The following FGD4 variants were observed in gnomAD, a reference collection of about 807,000 sequenced individuals.
FGD4 encodes the protein FYVE, RhoGEF and PH domain containing 4.
FGD4 carries 42 observed loss-of-function variants against 102.0 expected under a neutral mutation model. The ratio of observed to expected loss-of-function variants is 0.41; its 90% CI spans 0.32 to 0.53. FGD4 has a LOEUF of 0.53. Among genes scored for constraint, FGD4 ranks in the 20% least tolerant of loss-of-function variants. FGD4 has a pLI of 0.21. For synonymous variants in FGD4, 380 were observed against 375.7 expected (o/e 1.01, Z -0.13); for missense variants, 902 against 1,078.2 (o/e 0.84, Z 2.29).
chr12:32,412,473 T>C (rs931342832), intron 1 of FGD4, among the ~76,000 whole-genome samples: 4 of 152,146 alleles, frequency 2.6e-5, no homozygotes, highest in Non-Finnish European at 5.9e-5. Flanking sequence ...GCTCCTTCAA[T>C]TGGAAGTTAT....
intron 1 of FGD4, among the ~76,000 whole-genome samples, chr12:32,547,029 G>A (rs1409473644): frequency 6.6e-6 from 1 of 152,206 alleles, no homozygotes; most frequent in Non-Finnish European, 1.5e-5. Flanking sequence ...TAAAGGCACA[G>A]AATTAGGGCA....
At chr12:32,424,786 C>T (rs1941774134) in intron 1 of FGD4, among the ~76,000 whole-genome samples, 1 of 152,212 alleles carries the variant, frequency 6.6e-6, no homozygotes, top group African/African-American at 2.4e-5. Flanking sequence ...GATGGTATCT[C>T]ACTGTGGTTT....
At chr12:32,403,185 T>C (rs1940763866) in intron 1 of FGD4, among the ~76,000 whole-genome samples, 1 of 152,182 alleles carries the variant, frequency 6.6e-6, no homozygotes, top group African/African-American at 2.4e-5. Context: ...AGCATTGTTA[T>C]GTCATGTTCT....
chr12:32,598,410 A>T, intron 4 of FGD4, 87 bp from the exon 5 acceptor site: 1 of 935,736 alleles, frequency 1.1e-6, no homozygotes, highest in African/African-American at 1.7e-5. Context: ...AACTGTTTTG[A>T]TCAAATCATT....
chr12:32,522,099 T>C (rs909314111), intron 1 of FGD4, among the ~76,000 whole-genome samples: 7 of 152,222 alleles, frequency 4.6e-5, no homozygotes, highest in African/African-American at 1.7e-4. Flanking sequence ...TTTGACCTTA[T>C]TTCCTACCAC....
In FGD4 at chr12:32,576,218, A is replaced by G. The variant is rs537787603; in HGVS notation, c.320-48A>G. On this transcript the variant is annotated intron_variant, in intron 2 of 16. Coordinates refer to ENST00000534526, the MANE Select transcript of FGD4 (RefSeq NM_001370298.3). ...CCAGGACACCAGAATTTTTATTGTT[A>G]TTGAACAAAATATCAGTGAAATACT... The G allele has an allele frequency of 3.3e-6, 5 of 1,536,620 alleles. No homozygotes were observed. In the East Asian group the frequency reaches 1.2e-4, roughly 38 times the overall value.
chr12:32,605,558 T>C (rs1948724038), intron 7 of FGD4, among the ~76,000 whole-genome samples: 1 of 152,232 alleles, frequency 6.6e-6, no homozygotes, highest in African/African-American at 2.4e-5. Flanking sequence ...TCTAGTTCTC[T>C]ACTCCCAAAC....
chr12:32,399,841 G>A lies in FGD4; in HGVS notation c.48G>A (p.Arg16=), dbSNP rs912006409. 4 of 1,531,690 alleles carry A rather than the reference G, an allele frequency of 2.6e-6. No homozygotes were observed. Among genetic ancestry groups the A allele is most frequent in the African/African-American group, 2.8e-5 (2 of 72,328 alleles). 94.9% of individuals were successfully genotyped at this position (1,531,690 alleles called of 1,614,324 possible). A position where few individuals can be genotyped will look rare whatever the true frequency, so the allele number is the denominator to read the frequency against. The part of the protein sequence containing the change: ...GSNFRRVAIR[R]KSNPSYLPPG... ...ACTTCAGGCGGGTGGCGATCCGGCG[G>A]AAGTCCAACCCCTCCTACCTGCCGC... Residue 16 remains arginine (R), a synonymous_variant, in exon 1 of 17, where the codon CGG becomes CGA. Transcript: ENST00000534526.
At chr12:32,518,393 G>A (rs7308139) in intron 1 of FGD4, among the ~76,000 whole-genome samples, 6,490 of 152,112 alleles carry the variant, frequency 0.043, 496 homozygotes, top group African/African-American at 0.15. Context: ...CAGGACAATC[G>A]CTTGAACCCG....
At chr12:32,464,140 G>T (rs1943185287) in intron 1 of FGD4, among the ~76,000 whole-genome samples, 1 of 151,968 alleles carries the variant, frequency 6.6e-6, no homozygotes, top group Admixed American at 6.6e-5. Flanking sequence ...TACTGGATTA[G>T]TCATGTTTTT....
chr12:32,524,395 CAAAAAA>C (rs959203100), intron 1 of FGD4, among the ~76,000 whole-genome samples: 3 of 69,310 alleles, frequency 4.3e-5, no homozygotes, highest in South Asian at 5.2e-4. Flanking sequence ...GACTCTGTCT[CAAAAAA>C]AAAAAAAAAA....
At chr12:32,481,231 G>A (rs1430257368) in intron 1 of FGD4, among the ~76,000 whole-genome samples, 1 of 149,602 alleles carries the variant, frequency 6.7e-6, no homozygotes, top group East Asian at 2.0e-4. Context: ...GAGGTCAGGA[G>A]ATCAAGACCA....
At chr12:32,555,877 G>A (rs1057116487) in intron 1 of FGD4, among the ~76,000 whole-genome samples, 1 of 152,074 alleles carries the variant, frequency 6.6e-6, no homozygotes, top group Non-Finnish European at 1.5e-5. Context: ...GCCGAGACAA[G>A]GTCTTTCACT....
intron 1 of FGD4, among the ~76,000 whole-genome samples, chr12:32,456,190 A>T (rs1490410365): frequency 6.6e-6 from 1 of 152,216 alleles, no homozygotes; most frequent in Non-Finnish European, 1.5e-5. Flanking sequence ...TATTACTAAA[A>T]GCTATCTAAA....
At position 32,506,288 on chromosome 12, in the gene FGD4, T is replaced by C. The variant is rs1218769144; in HGVS notation, c.167-57849T>C. Among the ~76,000 whole-genome samples, 1 of 151,432 alleles carries C rather than the reference T, an allele frequency of 6.6e-6. No individual in the cohort carries two copies. Among genetic ancestry groups the C allele is most frequent in the Non-Finnish European group, 1.5e-5 (1 of 67,992 alleles). ...CATAATCAAAGTCATAAGAAACAGT[T>C]TGTCATTATAAATACCAAGCTTTTA... On this transcript the variant is annotated intron_variant, in intron 1 of 16. Coordinates refer to ENST00000534526, the MANE Select transcript of FGD4 (RefSeq NM_001370298.3). The surrounding 1 kb of genome is among the most constrained non-coding windows in gnomAD (Gnocchi z 4.5).
intron 1 of FGD4, among the ~76,000 whole-genome samples, chr12:32,556,668 C>A (rs1164293627): frequency 6.6e-6 from 1 of 151,936 alleles, no homozygotes; most frequent in Non-Finnish European, 1.5e-5. Context: ...ACCAGCCTGG[C>A]CGACGTGGTG....
chr12:32,510,840 C>A (rs573582013), intron 1 of FGD4, among the ~76,000 whole-genome samples: 1 of 152,260 alleles, frequency 6.6e-6, no homozygotes, highest in East Asian at 1.9e-4. Context: ...AGTATTCAAC[C>A]CCGATGTTCT....
chr12:32,456,311 G>C (rs1942948015), intron 1 of FGD4, among the ~76,000 whole-genome samples: 1 of 152,164 alleles, frequency 6.6e-6, no homozygotes, highest in Admixed American at 6.5e-5. Context: ...ATTTGTGGCT[G>C]CAGGGGAACA....
At chr12:32,576,683 G>A (rs1032536251) in intron 3 of FGD4, among the ~76,000 whole-genome samples, 11 of 152,138 alleles carry the variant, frequency 7.2e-5, no homozygotes, top group Admixed American at 6.5e-4. Flanking sequence ...GCTTTTTCAT[G>A]AAATTGTGTG....
Sources: allele counts gnomAD v4.1 joint callset (sites outside exome capture counted in the v4.1 genomes callset), GRCh38; gene constraint gnomAD v4.1.1; non-coding constraint Gnocchi (gnomAD v3.1); transcripts MANE v1.5; gene names NCBI Gene and HGNC (gene_info 2026-07-23, HGNC 2026-07-21).